The following NCOR1 variants were observed in gnomAD, a reference collection of about 807,000 sequenced individuals.
NCOR1 encodes the protein protein phosphatase 1, regulatory subunit 109.
NCOR1 carries 63 observed loss-of-function variants against 288.1 expected under a neutral mutation model. The ratio of observed to expected loss-of-function variants is 0.22; its 90% confidence interval spans 0.18 to 0.27. The LOEUF (loss-of-function observed/expected upper bound fraction) is 0.27, where lower values mean the gene tolerates loss of function less well. NCOR1 is among the 10% of genes least tolerant of loss of function. The pLI, the probability that NCOR1 is intolerant of heterozygous loss-of-function variation, is 1.00. For synonymous variants in NCOR1, 1,007 were observed against 1,065.9 expected, an observed-to-expected ratio of 0.94 and a Z score of 1.08; for missense variants, 2,397 against 3,019.2, an observed-to-expected ratio of 0.79 and a Z score of 4.83.
intron 22 of NCOR1, 86 bp downstream of exon 22, chr17:16,091,777 C>T: frequency 3.8e-6 from 6 of 1,589,982 alleles, no homozygotes; most frequent in Non-Finnish European, 5.1e-6. Flanking sequence ...AGGCTGACAA[C>T]TTACAAAGCA....
At chr17:16,033,273 T>A (rs572309601) in intron 45 of NCOR1, among the ~76,000 whole-genome samples, 111 of 145,354 alleles carry the variant, frequency 7.6e-4, no homozygotes, top group African/African-American at 2.9e-3. Context: ...AGGCGGAGGT[T>A]GCTGTGAGCC....
At chr17:16,148,663 CAAAAAAAAA>C (rs397857284) in intron 9 of NCOR1, among the ~76,000 whole-genome samples, 44 of 48,342 alleles carry the variant, frequency 9.1e-4, no homozygotes, top group African/African-American at 2.8e-3. Flanking sequence ...ATGTTCTTGG[CAAAAAAAAA>C]AAAAAAAAAA....
chr17:16,138,445 GA>G (rs1443365619), intron 12 of NCOR1, among the ~76,000 whole-genome samples: 2 of 152,082 alleles, frequency 1.3e-5, no homozygotes, highest in African/African-American at 4.8e-5. Context: ...ATTAGCTGGG[GA>G]TGGTGGCACA....
chr17:16,178,354 C>A (rs2084660701), intron 3 of NCOR1, among the ~76,000 whole-genome samples: 1 of 151,542 alleles, frequency 6.6e-6, no homozygotes, highest in African/African-American at 2.4e-5. Context: ...AAAGAATCAG[C>A]CGGGCATGGT....
At chr17:16,116,774 ATGGGTGAG>A (rs946563402) in intron 18 of NCOR1, among the ~76,000 whole-genome samples, 3 of 152,230 alleles carry the variant, frequency 2.0e-5, no homozygotes, top group Admixed American at 2.0e-4. Context: ...GACATACTCA[ATGGGTGAG>A]ATTTAATAAA....
intron 18 of NCOR1, among the ~76,000 whole-genome samples, 153 bp downstream of exon 18, chr17:16,117,735 T>C (rs573084436): frequency 1.3e-5 from 2 of 152,040 alleles, no homozygotes; most frequent in African/African-American, 4.8e-5. Context: ...AGGCAGGAAA[T>C]TGCTTGAATC....
chr17:16,214,834 C>A (rs1040442856), intron 1 of NCOR1, among the ~76,000 whole-genome samples: 20 of 152,208 alleles, frequency 1.3e-4, no homozygotes, highest in Non-Finnish European at 1.5e-5. Flanking sequence ...CGGATCTTTG[C>A]CATCTCCACC....
At chr17:16,067,815 T>C in intron 32 of NCOR1, 79 bp downstream of exon 32, 2 of 1,329,786 alleles carry the variant, frequency 1.5e-6, no homozygotes, top group East Asian at 2.4e-5. Flanking sequence ...TGTACTATAT[T>C]GTACAACAAC....
chr17:16,152,096 AATG>A, intron 7 of NCOR1, 98 bp from the exon 8 acceptor site: 7 of 652,408 alleles, frequency 1.1e-5, no homozygotes, highest in South Asian at 3.0e-5. Context: ...GTAAAGTACT[AATG>A]GATCTACACA....
chr17:16,127,767 T>C (rs927689205), intron 14 of NCOR1, among the ~76,000 whole-genome samples: 5 of 149,482 alleles, frequency 3.3e-5, no homozygotes, highest in Non-Finnish European at 7.4e-5. Context: ...ATATCTCTCA[T>C]AGTATATTAG....
At chr17:16,120,907 A>G in intron 16 of NCOR1, 145 bp downstream of exon 16, 1 of 692,388 alleles carries the variant, frequency 1.4e-6, no homozygotes, top group Non-Finnish European at 2.2e-6. Flanking sequence ...AAAAACTTTG[A>G]CATTAAAGTT....
At chr17:16,201,965 G>A (rs1037797245) in intron 1 of NCOR1, among the ~76,000 whole-genome samples, 5 of 152,128 alleles carry the variant, frequency 3.3e-5, no homozygotes, top group African/African-American at 4.8e-5. Flanking sequence ...GGTGGCTCAC[G>A]CCTGTCATTC....
At chr17:16,046,593 T>C (rs73278190) in intron 42 of NCOR1, among the ~76,000 whole-genome samples, 4,840 of 152,262 alleles carry the variant, frequency 0.032, 261 homozygotes, top group African/African-American at 0.11. Flanking sequence ...CGTCTTCAAA[T>C]ATCTGAGGAG....
chr17:16,148,679 A>C (rs1159146325), intron 9 of NCOR1, among the ~76,000 whole-genome samples: 8 of 149,826 alleles, frequency 5.3e-5, no homozygotes, highest in East Asian at 3.9e-4. Flanking sequence ...AAAAAAAAAA[A>C]AAAAAAAAAA....
At chr17:16,095,392 G>A (rs1356253337) in intron 21 of NCOR1, among the ~76,000 whole-genome samples, 1 of 151,016 alleles carries the variant, frequency 6.6e-6, no homozygotes, top group Non-Finnish European at 1.5e-5. Flanking sequence ...CGGGAGGGAG[G>A]TGGGGGGTCA....
In NCOR1 at chr17:16,101,563, C is replaced by T. The variant is rs2152996567; in HGVS notation, c.2377G>A (p.Ala793Thr). ...QVNDSISAET[A>T]EQMDVDQQEH... ...TGCTGATCTACATCCATCTGCTCTG[C>T]TGTCTCAGCACTGATGCTGTCATTC... The change falls in exon 20 of 46, where the codon GCA becomes ACA. Residue 793 changes from alanine (A) to threonine (T), a missense_variant. Physicochemically the swap from Ala to Thr is moderately conservative, Grantham distance 58. This residue lies in a region of NCOR1 where 1,872 missense variants were observed against 2,187.8 expected (regional missense o/e 0.86). Coordinates refer to ENST00000268712, the MANE Select transcript of NCOR1 (RefSeq NM_006311.4). 6.2e-7 allele frequency: 1 copy of T among 1,614,206 alleles called. No homozygotes were observed. The highest frequency in any genetic ancestry group is 8.5e-7 in the Non-Finnish European group (1 of 1,180,046).
chr17:16,157,477 T>C (rs553504647), intron 6 of NCOR1, among the ~76,000 whole-genome samples: 1 of 152,336 alleles, frequency 6.6e-6, no homozygotes, highest in Admixed American at 6.5e-5. Flanking sequence ...TATTTATTTA[T>C]TCAACTTTTA....
At chr17:16,134,829 A>T (rs1367176921) in intron 14 of NCOR1, among the ~76,000 whole-genome samples, 2 of 152,204 alleles carry the variant, frequency 1.3e-5, no homozygotes, top group Non-Finnish European at 2.9e-5. Context: ...ATAAAGTTAT[A>T]AATACTATTT....
At chr17:16,062,032 A>C in intron 36 of NCOR1, 73 bp downstream of exon 36, 1 of 1,591,110 alleles carries the variant, frequency 6.3e-7, no homozygotes, top group Non-Finnish European at 8.5e-7. Context: ...CTATACTTAG[A>C]CTATTGCAGT....
Sources: gnomAD v4.1 joint callset for allele counts (sites outside exome capture counted in the v4.1 genomes callset) on GRCh38, gnomAD v4.1.1 for gene constraint, gnomAD v4.1.1 regional missense constraint, MANE v1.5 for transcripts, NCBI Gene and HGNC (gene_info 2026-07-23, HGNC 2026-07-21) for gene names.